The following AFF2 variants were observed in gnomAD, a reference collection of about 807,000 sequenced individuals.
AFF2 encodes the protein ALF transcription elongation factor 2, also known as AF4/FMR2 family member 2.
Under a neutral mutation model 76.9 loss-of-function variants are expected in AFF2, and 14 were observed. The observed-to-expected ratio is 0.18, with a 90% CI of 0.12 to 0.28. The LOEUF (loss-of-function observed/expected upper bound fraction) is 0.28, where lower values mean the gene tolerates loss of function less well. Among genes scored for constraint, AFF2 ranks in the 10% least tolerant of loss-of-function variants. AFF2 has a pLI of 1.00. For synonymous variants in AFF2, 398 were observed against 366.7 expected, an observed-to-expected ratio of 1.09 and a Z score of -0.98; for missense variants, 868 against 1,001.1, an observed-to-expected ratio of 0.87 and a Z score of 1.79.
At chrX:148,851,954 C>T (rs1207986697) in intron 7 of AFF2, among the ~76,000 whole-genome samples, 3 of 110,001 alleles carry the variant, frequency 2.7e-5, no homozygotes, top group Admixed American at 2.0e-4. Flanking sequence ...TTAGCTTCCA[C>T]CTGTAAGTGA....
At chrX:148,628,536 T>A (rs1282259820) in intron 1 of AFF2, among the ~76,000 whole-genome samples, 1 of 108,470 alleles carries the variant, frequency 9.2e-6, no homozygotes, top group Non-Finnish European at 1.9e-5. Flanking sequence ...ACACTTGGCA[T>A]TATAAAAAAT....
At chrX:148,939,656 G>T (rs1363745977) in intron 9 of AFF2, among the ~76,000 whole-genome samples, 1 of 111,752 alleles carries the variant, frequency 8.9e-6, no homozygotes, top group Non-Finnish European at 1.9e-5. Context: ...TTAATGTTAT[G>T]CACACCATTT....
chrX:148,675,830 G>T (rs1236093579), intron 3 of AFF2, among the ~76,000 whole-genome samples: 1 of 109,536 alleles, frequency 9.1e-6, no homozygotes, highest in Non-Finnish European at 1.9e-5. Context: ...TTCTTGGGAA[G>T]ATAAGAAGCT....
chrX:148,665,885 C>G (rs2124472990), intron 3 of AFF2, among the ~76,000 whole-genome samples: 1 of 111,856 alleles, frequency 8.9e-6, no homozygotes, highest in South Asian at 3.8e-4. Context: ...GTGGAGCAAT[C>G]ACAGTATTTC....
intron 9 of AFF2, among the ~76,000 whole-genome samples, chrX:148,916,440 G>A (rs1220582842): frequency 9.2e-6 from 1 of 108,890 alleles, no homozygotes; most frequent in Non-Finnish European, 1.9e-5. Flanking sequence ...TCGATCTCCT[G>A]ACCTCGTGAT....
intron 7 of AFF2, among the ~76,000 whole-genome samples, chrX:148,849,362 CTCCT>C (rs368163017): frequency 2.7e-3 from 42 of 15,738 alleles, no homozygotes; most frequent in African/African-American, 0.013. Flanking sequence ...GTCTCTCTCT[CTCCT>C]CCCCCCCCCC....
intron 15 of AFF2, 83 bp downstream of exon 15, chrX:148,967,775 A>C: frequency 1.1e-6 from 1 of 919,691 alleles, no homozygotes. Flanking sequence ...TTTCCAAACA[A>C]ATTTTCAGTA....
chrX:148,877,286 G>T (rs1231029314), intron 7 of AFF2, among the ~76,000 whole-genome samples: 1 of 112,090 alleles, frequency 8.9e-6, no homozygotes, highest in African/African-American at 3.2e-5. Flanking sequence ...TTAACAGGAG[G>T]TACTCATACT....
At chrX:148,708,284 G>A (rs1386127175) in intron 3 of AFF2, among the ~76,000 whole-genome samples, 2 of 111,770 alleles carry the variant, frequency 1.8e-5, no homozygotes, top group Non-Finnish European at 3.8e-5. Context: ...GTTATGTCAT[G>A]GAATAAAAAG....
intron 16 of AFF2, among the ~76,000 whole-genome samples, chrX:148,974,576 A>G (rs1476926511): frequency 8.9e-6 from 1 of 112,214 alleles, no homozygotes; most frequent in Non-Finnish European, 1.9e-5. Context: ...AACACTGGAC[A>G]GATTTAGTGT....
At chrX:148,749,489 A>T (rs781927377) in intron 3 of AFF2, among the ~76,000 whole-genome samples, 4 of 111,375 alleles carry the variant, frequency 3.6e-5, no homozygotes, top group Non-Finnish European at 5.6e-5. Context: ...AGTTATTTTA[A>T]TTGACAAATT....
At chrX:148,980,697 T>C (rs2072380947) in intron 18 of AFF2, 41 bp from the exon 19 acceptor site, 1 of 1,080,508 alleles carries the variant, frequency 9.3e-7, no homozygotes, top group Admixed American at 2.3e-5. Context: ...AAACACAAAA[T>C]AGATGTCCTT....
intron 3 of AFF2, among the ~76,000 whole-genome samples, chrX:148,721,246 T>C (rs1261029783): frequency 9.0e-6 from 1 of 111,487 alleles, no homozygotes; most frequent in Non-Finnish European, 1.9e-5. Context: ...TGACAAAAAA[T>C]AGGTGTGGAT....
At chrX:148,742,174 C>T (rs2055364080) in intron 3 of AFF2, among the ~76,000 whole-genome samples, 1 of 112,176 alleles carries the variant, frequency 8.9e-6, no homozygotes. Flanking sequence ...ATGATCCCCA[C>T]AAGTAAGTTT....
intron 1 of AFF2, among the ~76,000 whole-genome samples, chrX:148,564,342 G>A (rs782113799): frequency 1.6e-4 from 18 of 110,350 alleles, no homozygotes; most frequent in Non-Finnish European, 3.4e-4. Context: ...TATTAAGAAA[G>A]GGAAGTACAA....
chrX:148,942,568 G>A (rs2071849839), intron 9 of AFF2, among the ~76,000 whole-genome samples: 2 of 111,171 alleles, frequency 1.8e-5, no homozygotes, highest in African/African-American at 3.3e-5. Context: ...TGTAGTTCCA[G>A]TACTTTGGGA....
chrX:148,659,505 G>T (rs782089068), intron 2 of AFF2, among the ~76,000 whole-genome samples: 7 of 112,519 alleles, frequency 6.2e-5, no homozygotes, highest in Non-Finnish European at 1.3e-4. Flanking sequence ...GTGAAAGCCA[G>T]ATAATGAAAT....
Position 148,709,223 on chromosome X carries a change from A to C in AFF2, c.1041+46455A>C, listed in dbSNP as rs577612727. Among the ~76,000 whole-genome samples, 21 of 111,898 alleles carry C rather than the reference A, an allele frequency of 1.9e-4. No homozygotes were observed. The South Asian group carries it at 7.8e-3, about 41-fold the overall frequency. On this transcript the variant is annotated intron_variant, in intron 3 of 20. Coordinates refer to ENST00000370460, the MANE Select transcript of AFF2 (RefSeq NM_002025.4). ...ACTTATTCAATAAAATACTAAAAAAATTTTTTTAGGCTAATCAAATTTTGG... is the reference window on the plus strand; with the variant it reads ...ACTTATTCAATAAAATACTAAAAAACTTTTTTTAGGCTAATCAAATTTTGG...
chrX:148,871,176 C>T (rs782365272), intron 7 of AFF2, among the ~76,000 whole-genome samples: 188 of 111,172 alleles, frequency 1.7e-3, no homozygotes, highest in African/African-American at 5.8e-3. Flanking sequence ...GACAGACAAC[C>T]GGAAGAGAAT....
Sources: allele counts gnomAD v4.1 joint callset (sites outside exome capture counted in the v4.1 genomes callset), GRCh38; gene constraint gnomAD v4.1.1; transcripts MANE v1.5; gene names NCBI Gene and HGNC (gene_info 2026-07-23, HGNC 2026-07-21).